The following GLB1 variants were observed in gnomAD, a reference collection of about 807,000 sequenced individuals.
The protein encoded by GLB1 is beta-galactosidase.
A neutral mutation model predicts 74.0 loss-of-function variants in GLB1; 56 were observed. The observed-to-expected ratio is 0.76, with a 90% CI of 0.61 to 0.94. The LOEUF (loss-of-function observed/expected upper bound fraction) is 0.94. Among genes scored for constraint, GLB1 ranks in the 40% least tolerant of loss-of-function variants. The pLI, the probability that GLB1 is intolerant of heterozygous loss-of-function variation, is 0.00. For synonymous variants in GLB1, 323 were observed against 323.6 expected, an observed-to-expected ratio of 1.00 and a Z score of 0.02; for missense variants, 787 against 845.5, an observed-to-expected ratio of 0.93 and a Z score of 0.86.
chr3:33,055,228 C>G (rs1699164282), intron 6 of GLB1, among the ~76,000 whole-genome samples: 1 of 152,200 alleles, frequency 6.6e-6, no homozygotes, highest in Non-Finnish European at 1.5e-5. Context: ...GTTGTCTATT[C>G]TCCAACCCCT....
chr3:33,094,118 G>C (rs745464514), intron 1 of GLB1: 1 of 1,614,208 alleles, frequency 6.2e-7, no homozygotes. Flanking sequence ...ACGAGCGGGA[G>C]GCGATCATGG....
At chr3:32,968,200 A>G in the GLB1 span, among the ~76,000 whole-genome samples, 2 of 152,210 alleles carry the variant, frequency 1.3e-5, no homozygotes. Context: ...AGGCATGGAC[A>G]TGGGCGTGAA....
At chr3:33,001,780 C>A (rs745537718) in intron 15 of GLB1, among the ~76,000 whole-genome samples, 3 of 152,172 alleles carry the variant, frequency 2.0e-5, no homozygotes, top group Non-Finnish European at 4.4e-5. Flanking sequence ...GAAGAGGTGA[C>A]ATGAAGCCCT....
At chr3:33,072,502 G>T (rs765449541) in intron 2 of GLB1, 42 bp downstream of exon 2, 1 of 1,611,856 alleles carries the variant, frequency 6.2e-7, no homozygotes, top group Admixed American at 1.7e-5. Flanking sequence ...CTCCAGAGTG[G>T]GTGTTCAGGC....
chr3:33,053,971 C>T (rs150569238), intron 6 of GLB1, among the ~76,000 whole-genome samples: 12,219 of 151,932 alleles, frequency 0.08, 1,143 homozygotes, highest in East Asian at 0.48. Flanking sequence ...CGAGATCGTG[C>T]CACTGCACTC....
chr3:32,981,635 G>T, the GLB1 span, among the ~76,000 whole-genome samples: 1 of 151,624 alleles, frequency 6.6e-6, no homozygotes, highest in South Asian at 2.1e-4. Context: ...TTAGCCAGGC[G>T]TCATGGCGCA....
At chr3:33,087,857 C>T (rs1191761861) in intron 1 of GLB1, among the ~76,000 whole-genome samples, 1 of 135,672 alleles carries the variant, frequency 7.4e-6, no homozygotes, top group Non-Finnish European at 1.6e-5. Flanking sequence ...CAAAAATCCT[C>T]AACAAAATAC....
chr3:33,060,059 A>G (rs578114088), intron 5 of GLB1, among the ~76,000 whole-genome samples: 1 of 152,308 alleles, frequency 6.6e-6, no homozygotes, highest in Admixed American at 6.5e-5. Context: ...ATTTGACATC[A>G]CCAACAGCTC....
intron 15 of GLB1, among the ~76,000 whole-genome samples, chr3:33,012,911 G>T (rs918786361): frequency 5.9e-5 from 9 of 152,112 alleles, no homozygotes; most frequent in African/African-American, 2.2e-4. Flanking sequence ...TGAGACTATG[G>T]TCCAGCCTCC....
Position 33,058,272 on chromosome 3 carries a change from G to C in GLB1, c.553-3C>G. ...TAGCTGCCATATTCATTTTCAACCT[G>C]TGAGTGAAAAAAGAGCAGGGAAAAA... On this transcript the variant is annotated splice_polypyrimidine_tract_variant and splice_region_variant and intron_variant, in intron 5 of 15. Transcript: ENST00000307363. 1 of 1,614,074 alleles carries C rather than the reference G, an allele frequency of 6.2e-7. No homozygotes were observed. Among genetic ancestry groups the C allele is most frequent in the Non-Finnish European group, 8.5e-7 (1 of 1,180,014 alleles).
At chr3:32,967,549 G>A in the GLB1 span, among the ~76,000 whole-genome samples, 3 of 152,166 alleles carry the variant, frequency 2.0e-5, no homozygotes, top group Non-Finnish European at 4.4e-5. Context: ...CCCACAAAAT[G>A]CTTAAAAGGT....
chr3:33,030,927 C>G, intron 10 of GLB1: 1 of 640,848 alleles, frequency 1.6e-6, no homozygotes, highest in Non-Finnish European at 1.9e-6. Flanking sequence ...AGGTCGCTGC[C>G]CTATATTTTT....
At chr3:33,052,912 G>T (rs991930703) in intron 7 of GLB1, 1 of 183,786 alleles carries the variant, frequency 5.4e-6, no homozygotes, top group African/African-American at 2.4e-5. Flanking sequence ...GCAGAGACTA[G>T]ACTCAGAAAA....
chr3:33,013,925 A>C (rs1697129722), intron 15 of GLB1, 131 bp downstream of exon 15: 14 of 1,520,552 alleles, frequency 9.2e-6, no homozygotes, highest in Non-Finnish European at 8.9e-6. Context: ...CCGCCTCCTG[A>C]AGAATGTCCG....
At chr3:32,963,363 A>G in the GLB1 span, among the ~76,000 whole-genome samples, 1 of 152,226 alleles carries the variant, frequency 6.6e-6, no homozygotes, top group Non-Finnish European at 1.5e-5. Context: ...TTTCTTCACA[A>G]TTTGTGCAGC....
intron 10 of GLB1, chr3:33,033,808 A>C (rs1698157652): frequency 3.2e-6 from 1 of 316,168 alleles, no homozygotes; most frequent in Non-Finnish European, 6.1e-6. Flanking sequence ...GGTGGTAAGG[A>C]ATGGGGAGGC....
chr3:33,040,928 TG>T (rs1204065253), intron 10 of GLB1, among the ~76,000 whole-genome samples: 3 of 152,156 alleles, frequency 2.0e-5, no homozygotes, highest in African/African-American at 7.2e-5. Flanking sequence ...AATAATTCAA[TG>T]GAAAGGTTTT....
At chr3:33,074,016 A>G (rs1448158557) in intron 1 of GLB1, among the ~76,000 whole-genome samples, 1 of 132,396 alleles carries the variant, frequency 7.6e-6, no homozygotes, top group Non-Finnish European at 1.5e-5. Context: ...AGAGCAAGAC[A>G]TTGTCTCAAA....
At chr3:33,074,970 C>T (rs1700055878) in intron 1 of GLB1, among the ~76,000 whole-genome samples, 1 of 152,164 alleles carries the variant, frequency 6.6e-6, no homozygotes, top group African/African-American at 2.4e-5. Context: ...TGAATTACAT[C>T]TCAATAAAGC....
Sources: gnomAD v4.1 joint callset for allele counts (sites outside exome capture counted in the v4.1 genomes callset) on GRCh38, gnomAD v4.1.1 for gene constraint, MANE v1.5 for transcripts, NCBI Gene and HGNC (gene_info 2026-07-23, HGNC 2026-07-21) for gene names.